Variants in SNX24 observed in about 807,000 individuals in gnomAD.
SNX24 encodes the protein sorting nexin 24, also known as sorting nexin-24.
In SNX24, 22 loss-of-function variants were observed where a neutral mutation model predicts 28.7. That is an observed-to-expected ratio of 0.77 (90% CI 0.55 to 1.10). The LOEUF is 1.10. SNX24 is among the 50% of genes least tolerant of loss of function. The pLI is 0.00. For missense variants in SNX24, 221 were observed against 201.1 expected (o/e 1.10, Z -0.60); for synonymous variants, 69 against 71.5 (o/e 0.96, Z 0.18).
intron 3 of SNX24, among the ~76,000 whole-genome samples, chr5:122,977,698 A>G (rs191638486): frequency 6.6e-5 from 10 of 152,288 alleles, no homozygotes; most frequent in Admixed American, 5.2e-4. Context: ...ATTTCATCAC[A>G]ATTATTTGAC....
At chr5:122,966,225 C>G (rs1007856527) in intron 3 of SNX24, among the ~76,000 whole-genome samples, 1 of 152,200 alleles carries the variant, frequency 6.6e-6, no homozygotes, top group African/African-American at 2.4e-5. Flanking sequence ...GATAGACTTG[C>G]AAACACAAGA....
intron 1 of SNX24, among the ~76,000 whole-genome samples, chr5:122,876,870 G>T (rs1031118627): frequency 6.6e-6 from 1 of 152,130 alleles, no homozygotes; most frequent in African/African-American, 2.4e-5. Flanking sequence ...GTCAAGGAAC[G>T]CACCCTCAGT....
Position 122,968,206 on chromosome 5 carries a change from G to A in SNX24, c.249+22047G>A, listed in dbSNP as rs542497970. Among the ~76,000 whole-genome samples, 337 of 152,278 alleles carry A rather than the reference G, an allele frequency of 2.2e-3. 1 individual carries two copies. The highest frequency in any genetic ancestry group is 7.8e-3 in the African/African-American group (323 of 41,556). On this transcript the variant is annotated intron_variant, in intron 3 of 6. Coordinates refer to ENST00000261369, the MANE Select transcript of SNX24 (RefSeq NM_014035.4). ...CTAAAAATACAAAAGTTAGCCGGGC[G>A]TGGTGGCATGCACGCCTATAATCCC... is the stretch of plus-strand genomic sequence containing the variant.
intron 1 of SNX24, among the ~76,000 whole-genome samples, chr5:122,881,220 ATT>A (rs560330528): frequency 1.7e-5 from 1 of 60,306 alleles, no homozygotes; most frequent in African/African-American, 1.5e-4. Context: ...ATGTTTTATG[ATT>A]TTTTTTAAAA....
At chr5:122,942,733 G>A (rs923841815) in intron 2 of SNX24, among the ~76,000 whole-genome samples, 4 of 152,296 alleles carry the variant, frequency 2.6e-5, no homozygotes, top group South Asian at 2.1e-4. Context: ...GGCCAGGACC[G>A]TTAATCATCG....
chr5:122,896,524 C>T (rs1157859560), intron 1 of SNX24, among the ~76,000 whole-genome samples: 1 of 152,198 alleles, frequency 6.6e-6, no homozygotes, highest in East Asian at 1.9e-4. Flanking sequence ...GCCTCCTGTC[C>T]TGTCAAGCCA....
chr5:122,848,869 G>C (rs1244852061), intron 1 of SNX24, among the ~76,000 whole-genome samples: 2 of 152,034 alleles, frequency 1.3e-5, no homozygotes, highest in African/African-American at 4.8e-5. Flanking sequence ...TTTTTTCCTT[G>C]TGCTGTGAGC....
At chr5:122,993,757 G>A (rs1183038585) in intron 3 of SNX24, among the ~76,000 whole-genome samples, 2 of 152,208 alleles carry the variant, frequency 1.3e-5, no homozygotes, top group Non-Finnish European at 2.9e-5. Context: ...TGACACTGCA[G>A]CCCATTTACT....
At chr5:122,954,113 A>C (rs990855111) in intron 3 of SNX24, among the ~76,000 whole-genome samples, 5 of 152,294 alleles carry the variant, frequency 3.3e-5, no homozygotes, top group African/African-American at 9.6e-5. Flanking sequence ...TTCCAGTTGT[A>C]CATGAAACAG....
chr5:122,852,093 T>C (rs1754946496), intron 1 of SNX24, among the ~76,000 whole-genome samples: 2 of 150,790 alleles, frequency 1.3e-5, no homozygotes, highest in African/African-American at 2.4e-5. Context: ...TGTATAAATA[T>C]ATACACACAC....
At chr5:122,971,751 G>T (rs1162820913) in intron 3 of SNX24, among the ~76,000 whole-genome samples, 1 of 152,184 alleles carries the variant, frequency 6.6e-6, no homozygotes, top group South Asian at 2.1e-4. Flanking sequence ...AGGAGGAAAT[G>T]TGACAGTTAC....
chr5:122,853,251 C>G (rs148475968), intron 1 of SNX24, among the ~76,000 whole-genome samples: 10 of 151,224 alleles, frequency 6.6e-5, no homozygotes, highest in South Asian at 6.3e-4. Context: ...CTCAGCCTCC[C>G]GAGTAGCTGG....
chr5:122,845,659 G>A lies in SNX24; in HGVS notation c.26G>A (p.Arg9His), dbSNP rs762920345. The change falls in exon 1 of 7, where the codon CGC becomes CAC. Residue 9 changes from arginine (R) to histidine (H), a missense_variant. Arg to His is a conservative substitution (Grantham distance 29). Coordinates refer to ENST00000261369, the MANE Select transcript of SNX24 (RefSeq NM_014035.4). The stretch of plus-strand genomic sequence containing the variant: ...ATGGAGGTCTACATCCCGTCCTTTC[G>A]CTATGAAGAGAGCGACCTGGAGCGG... MEVYIPSF[R>H]YEESDLERGY... The A allele has an allele frequency of 5.6e-6, 8 of 1,429,514 alleles. No individual in the cohort carries two copies. The highest frequency in any genetic ancestry group is 4.9e-5 in the South Asian group (3 of 61,358). 88.6% of individuals were successfully genotyped at this position (1,429,514 alleles called of 1,614,324 possible).
chr5:122,933,303 C>T (rs1561618079), intron 1 of SNX24, among the ~76,000 whole-genome samples: 1 of 152,208 alleles, frequency 6.6e-6, no homozygotes, highest in Non-Finnish European at 1.5e-5. Context: ...GAGCTCTGAG[C>T]CCTCCTCACT....
chr5:122,875,406 T>C (rs1645180470), intron 1 of SNX24, among the ~76,000 whole-genome samples: 1 of 152,236 alleles, frequency 6.6e-6, no homozygotes, highest in South Asian at 2.1e-4. Context: ...TACACACTTT[T>C]AAAGAAATCT....
At chr5:122,853,767 C>A in intron 1 of SNX24, 1 of 320,910 alleles carries the variant, frequency 3.1e-6, no homozygotes, top group Non-Finnish European at 6.4e-6. Flanking sequence ...GCATTACAGC[C>A]GTAAGCCACT....
chr5:123,000,070 A>C, intron 4 of SNX24, 64 bp downstream of exon 4: 3 of 1,112,196 alleles, frequency 2.7e-6, no homozygotes, highest in African/African-American at 1.5e-5. Context: ...CAATTGATCT[A>C]ACAAATAGCC....
chr5:122,870,605 A>G (rs1436175156), intron 1 of SNX24, among the ~76,000 whole-genome samples: 1 of 152,248 alleles, frequency 6.6e-6, no homozygotes, highest in African/African-American at 2.4e-5. Context: ...TAAAATGGAA[A>G]GTGGTGGAAG....
In SNX24 at chr5:122,912,786, G is replaced by T. The variant is rs577662457; in HGVS notation, c.61-23948G>T. Among the ~76,000 whole-genome samples, 8 of 151,438 alleles carry T rather than the reference G, an allele frequency of 5.3e-5. No homozygotes were observed. The South Asian group carries it at 1.5e-3, about 28-fold the overall frequency. On this transcript the variant is annotated intron_variant, in intron 1 of 6. Transcript: ENST00000261369. Reference sequence around the variant, plus strand: ...TTCTTGGGTGTTTCTAGCAGAGGGGGATTTGGCAGGGTCTAGGACAGTAGT... The same window carrying T: ...TTCTTGGGTGTTTCTAGCAGAGGGGTATTTGGCAGGGTCTAGGACAGTAGT...
Sources: allele counts gnomAD v4.1 joint callset (sites outside exome capture counted in the v4.1 genomes callset), GRCh38; gene constraint gnomAD v4.1.1; transcripts MANE v1.5; gene names NCBI Gene and HGNC (gene_info 2026-07-23, HGNC 2026-07-21).